FBN2: variants seen among roughly 807,000 people sequenced by gnomAD.
The protein encoded by FBN2 is fibrillin-2.
In FBN2, 105 loss-of-function variants were observed where a neutral mutation model predicts 355.6. That is an observed-to-expected ratio of 0.30 (90% CI 0.25 to 0.35). The LOEUF is 0.35. Ranked by LOEUF, FBN2 falls within the 10% of genes least tolerant of loss-of-function variation. The pLI is 1.00. For missense variants in FBN2, 3,280 were observed against 3,758.7 expected, an observed-to-expected ratio of 0.87 and a Z score of 3.33; for synonymous variants, 1,350 against 1,301.2, an observed-to-expected ratio of 1.04 and a Z score of -0.81.
chr5:128,463,611 C>T (rs1053530236), intron 6 of FBN2, among the ~76,000 whole-genome samples: 3 of 152,162 alleles, frequency 2.0e-5, no homozygotes, highest in African/African-American at 7.2e-5. Context: ...GTCAGGGACA[C>T]ATTTACAAAA....
intron 7 of FBN2, among the ~76,000 whole-genome samples, chr5:128,432,477 A>C (rs899783666): frequency 6.6e-6 from 1 of 152,156 alleles, no homozygotes; most frequent in Non-Finnish European, 1.5e-5. Context: ...ATTCGTTTTT[A>C]CTGTCTATGG....
chr5:128,470,330 C>T lies in FBN2; in HGVS notation c.629-5409G>A, dbSNP rs116270029. 2.1e-3 allele frequency among the ~76,000 whole-genome samples: 321 copies of T among 152,172 alleles called. 1 individual carries two copies. The highest frequency in any genetic ancestry group is 3.4e-3 in the Non-Finnish European group (231 of 68,014). On this transcript the variant is annotated intron_variant, in intron 5 of 64. Transcript: ENST00000262464. ...GGTGAAGTGATGGAAGTTGCAGCCA[C>T]GTTGGAGAGAGTTAAGGAACTGGCT... is the stretch of plus-strand genomic sequence containing the variant.
chr5:128,417,898 T>C (rs1054343105), intron 7 of FBN2, among the ~76,000 whole-genome samples: 5 of 152,166 alleles, frequency 3.3e-5, no homozygotes, highest in Non-Finnish European at 5.9e-5. Context: ...TTGAGGAGAA[T>C]TGGAGTTAGT....
chr5:128,279,547 G>C (rs149647983), intron 56 of FBN2, among the ~76,000 whole-genome samples: 1 of 151,902 alleles, frequency 6.6e-6, no homozygotes, highest in African/African-American at 2.4e-5. Context: ...AGCATATGAC[G>C]TCATTCAGAA....
At chr5:128,345,791 C>T (rs973834270) in intron 23 of FBN2, among the ~76,000 whole-genome samples, 1 of 152,160 alleles carries the variant, frequency 6.6e-6, no homozygotes, top group Non-Finnish European at 1.5e-5. Flanking sequence ...AGTCTTAATT[C>T]TCACAAGAAA....
intron 7 of FBN2, among the ~76,000 whole-genome samples, chr5:128,411,105 A>C (rs568977828): frequency 5.3e-5 from 8 of 152,244 alleles, no homozygotes; most frequent in African/African-American, 1.9e-4. Context: ...GCCATGCTCA[A>C]ACCCTTTGCT....
intron 18 of FBN2, among the ~76,000 whole-genome samples, chr5:128,364,075 A>G (rs951067632): frequency 2.6e-5 from 4 of 152,214 alleles, no homozygotes; most frequent in Non-Finnish European, 4.4e-5. Context: ...TAAGACTGTC[A>G]AACCTTTTCA....
At position 128,299,665 on chromosome 5, in the gene FBN2, C is replaced by T. The variant is rs552057653; in HGVS notation, c.6166+1152G>A. 1.9e-4 allele frequency among the ~76,000 whole-genome samples: 29 copies of T among 152,326 alleles called. No individual in the cohort carries two copies. In the East Asian group the frequency reaches 5.6e-3, roughly 29 times the overall value. Reference sequence around the variant, plus strand: ...TTGCGCTTCCCGAGTGAGGCAATGCCTCGCCCTGCTTTGGCTCGTGCACAG... The same window carrying T: ...TTGCGCTTCCCGAGTGAGGCAATGCTTCGCCCTGCTTTGGCTCGTGCACAG... On this transcript the variant is annotated intron_variant, in intron 48 of 64. Coordinates refer to ENST00000262464, the MANE Select transcript of FBN2 (RefSeq NM_001999.4).
chr5:128,500,082 T>C (rs1755763524), intron 5 of FBN2, among the ~76,000 whole-genome samples: 1 of 152,174 alleles, frequency 6.6e-6, no homozygotes, highest in South Asian at 2.1e-4. Context: ...CTATATCATC[T>C]TCGATTGGAA....
chr5:128,462,392 T>TA (rs1366463655), intron 6 of FBN2, among the ~76,000 whole-genome samples: 1 of 152,184 alleles, frequency 6.6e-6, no homozygotes, highest in Admixed American at 6.6e-5. Context: ...GAAATCACAG[T>TA]AAGATGTCTT....
intron 7 of FBN2, among the ~76,000 whole-genome samples, chr5:128,419,975 G>A (rs899641032): frequency 3.2e-4 from 49 of 152,270 alleles, no homozygotes; most frequent in African/African-American, 9.9e-4. Flanking sequence ...GATTACAGGC[G>A]TGAGCCACCG....
At chr5:128,299,919 A>G (rs1361892036) in intron 48 of FBN2, among the ~76,000 whole-genome samples, 2 of 83,178 alleles carry the variant, frequency 2.4e-5, no homozygotes, top group African/African-American at 3.3e-5. Flanking sequence ...TTAAGTATTA[A>G]AAACACTAGT....
At chr5:128,419,114 T>C (rs1269851993) in intron 7 of FBN2, among the ~76,000 whole-genome samples, 1 of 152,340 alleles carries the variant, frequency 6.6e-6, no homozygotes, top group African/African-American at 2.4e-5. Context: ...AAATTCATTT[T>C]TGTACATTGA....
At chr5:128,407,458 T>C (rs1321368104) in intron 8 of FBN2, among the ~76,000 whole-genome samples, 1 of 152,154 alleles carries the variant, frequency 6.6e-6, no homozygotes, top group Non-Finnish European at 1.5e-5. Context: ...AGATGGTAGC[T>C]TGCCTGACTC....
At chr5:128,328,524 G>T (rs978666713) in intron 34 of FBN2, 172 bp downstream of exon 34, 6 of 742,066 alleles carry the variant, frequency 8.1e-6, no homozygotes, top group African/African-American at 6.9e-5. Context: ...GATGAAAGCC[G>T]CCATCATCAT....
rs375573468 is a variant in FBN2, at chr5:128,516,498, A to G, written c.628+2775T>C. On this transcript the variant is annotated intron_variant, in intron 5 of 64. Coordinates refer to ENST00000262464, the MANE Select transcript of FBN2 (RefSeq NM_001999.4). ...TCAAGTTAAATACCATAATCATGCC[A>G]GCCATTGGTTACTACTCAGTCTCTG... 2.6e-5 allele frequency among the ~76,000 whole-genome samples: 4 copies of G among 152,058 alleles called. No homozygotes were observed. The South Asian group carries it at 8.3e-4, about 32-fold the overall frequency.
rs904351220 is a variant in FBN2 at position 128,294,300 on chromosome 5, G to A, written c.6167-2646C>T. ...GTGAATAATGCCGCAATAAACATAC[G>A]TGTGCATGTGTCTTTACAGCAGCAT... On this transcript the variant is annotated intron_variant, in intron 48 of 64. Coordinates refer to ENST00000262464, the MANE Select transcript of FBN2 (RefSeq NM_001999.4). 1.4e-3 allele frequency among the ~76,000 whole-genome samples: 208 copies of A among 151,962 alleles called. 1 individual carries two copies. The highest frequency in any genetic ancestry group is 3.4e-3 in the Middle Eastern group (1 of 294).
chr5:128,285,586 C>T (rs1392588876), intron 55 of FBN2, among the ~76,000 whole-genome samples: 1 of 152,128 alleles, frequency 6.6e-6, no homozygotes, highest in Non-Finnish European at 1.5e-5. Flanking sequence ...AGCAGATGCA[C>T]CCTTCCCAAC....
intron 36 of FBN2, among the ~76,000 whole-genome samples, chr5:128,314,719 C>G (rs1430800797): frequency 6.6e-6 from 1 of 152,120 alleles, no homozygotes; most frequent in East Asian, 1.9e-4. Context: ...CCTTCCCTAC[C>G]AGATCATCCA....
Sources: gnomAD v4.1 joint callset for allele counts (sites outside exome capture counted in the v4.1 genomes callset) on GRCh38, gnomAD v4.1.1 for gene constraint, MANE v1.5 for transcripts, NCBI Gene and HGNC (gene_info 2026-07-23, HGNC 2026-07-21) for gene names.